MARF1: variants seen among roughly 807,000 people sequenced by gnomAD.
The protein encoded by MARF1 is limkain-b1.
MARF1 carries 24 observed loss-of-function variants against 168.2 expected under a neutral mutation model. That is an observed-to-expected ratio of 0.14 (90% CI 0.10 to 0.20). The LOEUF is 0.20. Among genes scored for constraint, MARF1 ranks in the 10% least tolerant of loss-of-function variants. The pLI is 1.00. For synonymous variants in MARF1, 868 were observed against 822.4 expected (o/e 1.06, Z -0.95); for missense variants, 1,744 against 2,143.6 (o/e 0.81, Z 3.68).
chr16:15,601,517 T>A, intron 23 of MARF1: 1 of 234,432 alleles, frequency 4.3e-6, no homozygotes, highest in Non-Finnish European at 8.5e-6. Flanking sequence ...CTCTCGACAC[T>A]CCATGCCACT....
chr16:15,626,702 G>A (rs1596486028), intron 7 of MARF1, among the ~76,000 whole-genome samples: 1 of 152,160 alleles, frequency 6.6e-6, no homozygotes, highest in African/African-American at 2.4e-5. Context: ...GCTCACGCCT[G>A]TCATCGCAAC....
intron 16 of MARF1, among the ~76,000 whole-genome samples, chr16:15,615,024 A>G (rs1441158652): frequency 6.6e-6 from 1 of 151,948 alleles, no homozygotes; most frequent in Non-Finnish European, 1.5e-5. Flanking sequence ...CAGGTGATTT[A>G]CCCACCTCAG....
At position 15,623,022 on chromosome 16, in the gene MARF1, G is replaced by A. The variant is rs1164581914; in HGVS notation, c.2372C>T (p.Ala791Val). The change falls in exon 11 of 27, where the codon GCT becomes GTT. Residue 791 changes from alanine to valine, a missense_variant. Transcript: ENST00000396368. ...ADCPDPFANG[A>V]DVQVSNIDYR... ...GTCTATGTTGCTGACTTGGACATCAGCACCATTTGCAAATGGGTCTGGGCA... is the reference window on the plus strand; with the variant it reads ...GTCTATGTTGCTGACTTGGACATCAACACCATTTGCAAATGGGTCTGGGCA... 7 of 1,611,180 alleles carry A rather than the reference G, an allele frequency of 4.3e-6. No individual in the cohort carries two copies. The highest frequency in any genetic ancestry group is 5.9e-6 in the Non-Finnish European group (7 of 1,177,618).
chr16:15,625,854 A>G (rs2034805862), intron 7 of MARF1, 54 bp from the exon 8 acceptor site: 2 of 1,434,698 alleles, frequency 1.4e-6, no homozygotes, highest in East Asian at 2.3e-5. Flanking sequence ...CACACATTCA[A>G]TTTCAAAATA....
At chr16:15,606,589 A>G (rs2033034474) in intron 21 of MARF1, among the ~76,000 whole-genome samples, 1 of 151,030 alleles carries the variant, frequency 6.6e-6, no homozygotes, top group South Asian at 2.1e-4. Flanking sequence ...GTGGAAAACC[A>G]CTCTTGGAAG....
At chr16:15,622,109 G>A (rs772776510) in intron 11 of MARF1, among the ~76,000 whole-genome samples, 198 bp from the exon 12 acceptor site, 9 of 152,128 alleles carry the variant, frequency 5.9e-5, no homozygotes, top group Non-Finnish European at 1.0e-4. Context: ...ACACTGGCCC[G>A]GCCTGCCTGT....
At position 15,604,314 on chromosome 16, in the gene MARF1, A is replaced by G. The variant is rs770470455; in HGVS notation, c.4267T>C (p.Leu1423=). 41 of 1,614,006 alleles carry G rather than the reference A, an allele frequency of 2.5e-5. No homozygotes were observed. The Admixed American group carries it at 6.7e-4, about 26-fold the overall frequency. Residue 1423 remains leucine (L), a synonymous_variant, in exon 22 of 27, where the codon TTG becomes CTG. Coordinates refer to ENST00000396368, the MANE Select transcript of MARF1 (RefSeq NM_014647.4). ...RSLTAQLLVL[L]MSWEGTTHLS... is the part of the protein sequence containing the mutation. ...TGGGTGGTTCCTTCCCAAGACATCA[A>G]CAATACCAGCAACTGGGCAGTGAGA...
At position 15,621,830 on chromosome 16, in the gene MARF1, C is replaced by A. The variant is rs546188112; in HGVS notation, c.2542G>T (p.Gly848Cys). 8 of 1,614,062 alleles carry A rather than the reference C, an allele frequency of 5.0e-6. No homozygotes were observed. In the Admixed American group the frequency reaches 6.7e-5, roughly 13 times the overall value. The change falls in exon 12 of 27, where the codon GGT (glycine) becomes TGT (cysteine). Residue 848 changes from glycine (G) to cysteine (C), a missense_variant. By Grantham distance (159) the Gly-to-Cys change is radical (BLOSUM62 -3). Coordinates refer to ENST00000396368, the MANE Select transcript of MARF1 (RefSeq NM_014647.4). ...TATCTGTGGAGGCTATTCACTGCACCGATCGCATCTTGTAAGTTTTCCATT... is the reference window on the plus strand; with the variant it reads ...TATCTGTGGAGGCTATTCACTGCACAGATCGCATCTTGTAAGTTTTCCATT... Reference protein sequence around the residue: ...VQMENLQDAIGAVNSLHRYKI... With the variant: ...VQMENLQDAICAVNSLHRYKI...
At chr16:15,621,321 T>A (rs546791572) in intron 12 of MARF1, among the ~76,000 whole-genome samples, 1 of 152,208 alleles carries the variant, frequency 6.6e-6, no homozygotes, top group Non-Finnish European at 1.5e-5. Flanking sequence ...TGGGGCTGAG[T>A]ATCTATTTGA....
chr16:15,616,989 G>C, intron 15 of MARF1, 63 bp downstream of exon 15: 1 of 1,562,630 alleles, frequency 6.4e-7, no homozygotes, highest in Non-Finnish European at 8.7e-7. Flanking sequence ...GGCAGAAAGG[G>C]CAGGCTTCCT....
intron 6 of MARF1, among the ~76,000 whole-genome samples, chr16:15,630,726 A>G (rs2035195677): frequency 1.3e-5 from 2 of 152,198 alleles, no homozygotes; most frequent in South Asian, 4.1e-4. Context: ...AGTATTAAAA[A>G]GGAGCAAATA....
At chr16:15,608,149 G>A (rs879311214) in intron 21 of MARF1, 142 bp downstream of exon 21, 45 of 617,268 alleles carry the variant, frequency 7.3e-5, no homozygotes, top group Admixed American at 1.2e-4. Flanking sequence ...GACACAAAAC[G>A]AGTCATAATG....
chr16:15,628,941 T>C (rs1401476415), intron 7 of MARF1, among the ~76,000 whole-genome samples: 2 of 152,052 alleles, frequency 1.3e-5, no homozygotes, highest in Non-Finnish European at 2.9e-5. Context: ...CAAAACTAAA[T>C]GGTTTGAATT....
chr16:15,620,348 T>A lies in MARF1; in HGVS notation c.2720+103A>T, dbSNP rs1208103761. Reference sequence around the variant, plus strand: ...TGAATGCCAGTGTCTCTGTCTCCTCTCCTCTACCAGGCTGAAGTTCCTCAA... The same window carrying A: ...TGAATGCCAGTGTCTCTGTCTCCTCACCTCTACCAGGCTGAAGTTCCTCAA... On this transcript the variant is annotated intron_variant, in intron 13 of 26. Coordinates refer to ENST00000396368, the MANE Select transcript of MARF1 (RefSeq NM_014647.4). The A allele has an allele frequency of 5.2e-6, 3 of 582,034 alleles. No homozygotes were observed. In the African/African-American group the frequency reaches 5.7e-5, roughly 11 times the overall value. The allele number at this position is 582,034 out of a possible 1,614,324, so 36.1% of individuals were successfully genotyped here.
At chr16:15,639,811 T>C (rs146320020) in intron 1 of MARF1, among the ~76,000 whole-genome samples, 50 of 152,360 alleles carry the variant, frequency 3.3e-4, no homozygotes, top group African/African-American at 1.1e-3. Flanking sequence ...CTTGGTTGAC[T>C]GTTTATGCTT....
At position 15,625,737 on chromosome 16, in the gene MARF1, T is replaced by G; in HGVS notation, c.1588A>C (p.Asn530His). ...PANKDGKSVS[N>H]RLRRLSDNCG... ...TTATCGGACAGGCGTCTGAGCCTGT[T>G]GCTGACGCTCTTGCCATCCTTATTT... The change falls in exon 8 of 27, where the codon AAC becomes CAC. Residue 530 changes from asparagine (N) to histidine (H), a missense_variant. Physicochemically the swap from Asn to His is moderately conservative, Grantham distance 68 (BLOSUM62 1). Transcript: ENST00000396368. 6.2e-7 allele frequency: 1 copy of G among 1,614,114 alleles called. No homozygotes were observed. The highest frequency in any genetic ancestry group is 8.5e-7 in the Non-Finnish European group (1 of 1,179,968).
intron 16 of MARF1, among the ~76,000 whole-genome samples, chr16:15,613,661 C>CAATAAATAAATAAATA (rs59529278): frequency 0.29 from 36,001 of 126,036 alleles, 5,945 homozygotes; most frequent in Middle Eastern, 0.37. Flanking sequence ...GATTCCGTCT[C>CAATAAATAAATAAATA]AATAAATAAA....
chr16:15,630,023 T>C (rs556326106), intron 7 of MARF1, among the ~76,000 whole-genome samples: 1 of 152,360 alleles, frequency 6.6e-6, no homozygotes, highest in South Asian at 2.1e-4. Context: ...ATCATGACTT[T>C]TAATCCGTTA....
intron 2 of MARF1, 137 bp from the exon 3 acceptor site, chr16:15,636,479 A>T: frequency 3.1e-6 from 2 of 651,462 alleles, no homozygotes; most frequent in Non-Finnish European, 5.1e-6. Flanking sequence ...ACAAAATGGA[A>T]TCACAGCTAG....
Sources: gnomAD v4.1 joint callset for allele counts (sites outside exome capture counted in the v4.1 genomes callset) on GRCh38, gnomAD v4.1.1 for gene constraint, MANE v1.5 for transcripts, NCBI Gene and HGNC (gene_info 2026-07-23, HGNC 2026-07-21) for gene names.